OR2L13: variants seen among roughly 807,000 people sequenced by gnomAD.
OR2L13 encodes olfactory receptor family 2 subfamily L member 13.
OR2L13 carries 14 observed loss-of-function variants against 15.3 expected under a neutral mutation model. The ratio of observed to expected loss-of-function variants is 0.91; its 90% CI spans 0.60 to 1.43. The LOEUF (loss-of-function observed/expected upper bound fraction) is 1.43. Ranked by LOEUF, OR2L13 falls within the 40% of genes most tolerant of loss-of-function variation. The pLI, the probability that OR2L13 is intolerant of heterozygous loss-of-function variation, is 0.00. For missense variants in OR2L13, 367 were observed against 387.9 expected (o/e 0.95, Z 0.45); for synonymous variants, 152 against 142.9 (o/e 1.06, Z -0.45).
the OR2L13 span, among the ~76,000 whole-genome samples, chr1:247,963,032 C>T: frequency 2.0e-5 from 3 of 152,092 alleles, no homozygotes; most frequent in African/African-American, 7.2e-5. Flanking sequence ...CCCGGGATGC[C>T]ATGTGGGTTC....
chr1:248,050,972 C>T, the OR2L13 span, among the ~76,000 whole-genome samples: 18 of 152,114 alleles, frequency 1.2e-4, no homozygotes, highest in Non-Finnish European at 4.4e-5. Flanking sequence ...GGAATAGTTT[C>T]AGTACATTTA....
chr1:248,065,480 A>T, the OR2L13 span, among the ~76,000 whole-genome samples: 50 of 151,546 alleles, frequency 3.3e-4, no homozygotes, highest in Non-Finnish European at 1.3e-4. Context: ...CATGTGCACA[A>T]TGTGCAGGTT....
At chr1:248,057,828 G>T in the OR2L13 span, among the ~76,000 whole-genome samples, 1 of 152,070 alleles carries the variant, frequency 6.6e-6, no homozygotes, top group Non-Finnish European at 1.5e-5. Context: ...ACAGATTCTG[G>T]TTGTTGATGT....
At chr1:247,949,367 C>T in the OR2L13 span, 14 of 1,614,038 alleles carry the variant, frequency 8.7e-6, no homozygotes, top group South Asian at 1.2e-4. Context: ...ATTGCCGATC[C>T]AGGGCCATCA....
the OR2L13 span, chr1:248,061,149 T>A: frequency 1.8e-5 from 28 of 1,544,032 alleles, no homozygotes; most frequent in Middle Eastern, 1.7e-4. Flanking sequence ...TCAATGCTTG[T>A]GCTCACACTG....
At chr1:248,077,099 T>A in the OR2L13 span, among the ~76,000 whole-genome samples, 1 of 152,242 alleles carries the variant, frequency 6.6e-6, no homozygotes, top group East Asian at 1.9e-4. Context: ...ATTGAGATAA[T>A]CATGTGGTTT....
At chr1:247,988,453 C>T in the OR2L13 span, among the ~76,000 whole-genome samples, 1 of 151,840 alleles carries the variant, frequency 6.6e-6, no homozygotes, top group Non-Finnish European at 1.5e-5. Flanking sequence ...ATTTTCCTTC[C>T]TAAAGATAGG....
chr1:248,039,061 G>A, the OR2L13 span: 33 of 1,613,894 alleles, frequency 2.0e-5, no homozygotes, highest in African/African-American at 4.0e-5. Context: ...AGATCCCTGC[G>A]ATCTCCAACA....
chr1:248,081,728 C>T, the OR2L13 span, among the ~76,000 whole-genome samples: 3 of 152,152 alleles, frequency 2.0e-5, no homozygotes, highest in Non-Finnish European at 2.9e-5. Context: ...GATGCTATCT[C>T]CTGTCATCCT....
At chr1:247,981,973 G>T in the OR2L13 span, among the ~76,000 whole-genome samples, 1 of 151,858 alleles carries the variant, frequency 6.6e-6, no homozygotes, top group Non-Finnish European at 1.5e-5. Flanking sequence ...CCGCCACCAC[G>T]CCCGGCTAAT....
chr1:247,948,922 T>C, the OR2L13 span: 7 of 1,613,672 alleles, frequency 4.3e-6, no homozygotes, highest in Admixed American at 1.7e-5. Flanking sequence ...CCATCAAGAA[T>C]TGACCTTTTC....
the OR2L13 span, among the ~76,000 whole-genome samples, chr1:247,959,193 C>T: frequency 7.9e-5 from 12 of 151,844 alleles, no homozygotes; most frequent in Non-Finnish European, 1.5e-4. Context: ...ATTTCTCCTT[C>T]ACTTATGAAG....
the OR2L13 span, among the ~76,000 whole-genome samples, chr1:248,068,223 A>G: frequency 3.3e-5 from 5 of 152,154 alleles, no homozygotes; most frequent in African/African-American, 1.2e-4. Context: ...CTGACCCCTG[A>G]GCAGCCTAAC....
upstream of OR2L13, among the ~76,000 whole-genome samples, chr1:248,094,126 C>T (rs1013758979): frequency 6.6e-6 from 1 of 151,696 alleles, no homozygotes; most frequent in Non-Finnish European, 1.5e-5. Flanking sequence ...CCCCAAATAC[C>T]CTTATTTGCT....
At chr1:248,007,605 C>T in the OR2L13 span, among the ~76,000 whole-genome samples, 1 of 152,208 alleles carries the variant, frequency 6.6e-6, no homozygotes, top group African/African-American at 2.4e-5. Flanking sequence ...CATTACCTCA[C>T]AGAGTTCTTG....
At chr1:247,978,186 C>T in the OR2L13 span, among the ~76,000 whole-genome samples, 5 of 152,162 alleles carry the variant, frequency 3.3e-5, no homozygotes, top group Non-Finnish European at 4.4e-5. Flanking sequence ...GCAATCACCG[C>T]GAGGGTCCCA....
At chr1:248,067,607 C>T in the OR2L13 span, among the ~76,000 whole-genome samples, 118 of 152,302 alleles carry the variant, frequency 7.7e-4, 1 homozygote, top group South Asian at 0.011. Context: ...TCTGAGGTAC[C>T]GGGTTCATCT....
chr1:247,978,817 T>A, the OR2L13 span, among the ~76,000 whole-genome samples: 1 of 151,528 alleles, frequency 6.6e-6, no homozygotes, highest in African/African-American at 2.4e-5. Flanking sequence ...CCACAGTGCT[T>A]CTCTGACACA....
the OR2L13 span, among the ~76,000 whole-genome samples, chr1:248,076,995 G>T: frequency 1.3e-5 from 2 of 152,038 alleles, no homozygotes; most frequent in East Asian, 3.9e-4. Context: ...AAATTGCTCT[G>T]ATTATTTTGA....
Sources: allele counts gnomAD v4.1 joint callset (sites outside exome capture counted in the v4.1 genomes callset), GRCh38; gene constraint gnomAD v4.1.1; transcripts MANE v1.5; gene names NCBI Gene and HGNC (gene_info 2026-07-23, HGNC 2026-07-21).